KMT2C: variants seen among roughly 807,000 people sequenced by gnomAD.
KMT2C encodes the protein histone-lysine N-methyltransferase 2C.
A neutral mutation model predicts 507.9 loss-of-function variants in KMT2C; 88 were observed. That is an observed-to-expected ratio of 0.17 (90% CI 0.15 to 0.21). The LOEUF is 0.21. Ranked by LOEUF, KMT2C falls within the 10% of genes least tolerant of loss-of-function variation. The pLI is 1.00. For synonymous variants in KMT2C, 2,049 were observed against 2,080.8 expected, an observed-to-expected ratio of 0.98 and a Z score of 0.42; for missense variants, 4,954 against 5,957.8, an observed-to-expected ratio of 0.83 and a Z score of 5.55.
intron 6 of KMT2C, among the ~76,000 whole-genome samples, chr7:152,300,896 A>G (rs1390640023): frequency 6.6e-6 from 1 of 152,100 alleles, no homozygotes; most frequent in Non-Finnish European, 1.5e-5. Flanking sequence ...CGTCTCTACT[A>G]AAACTACAAA....
At position 152,159,044 on chromosome 7, in the gene KMT2C, C is replaced by A. The variant is rs899779593; in HGVS notation, c.11489G>T (p.Gly3830Val). ...LQTLGAQMQG[G>V]FGCGNQLPKT... The stretch of plus-strand genomic sequence containing the variant: ...TGGCAACTGGTTGCCACATCCAAAA[C>A]CACCTTGCATTTGAGCCCCCAAAGT... The change falls in exon 44 of 59, where the codon GGT becomes GTT. Residue 3830 changes from glycine to valine, a missense_variant. Transcript: ENST00000262189. 1.2e-6 allele frequency: 2 copies of A among 1,614,072 alleles called. No individual in the cohort carries two copies. The highest frequency in any genetic ancestry group is 2.7e-5 in the African/African-American group (2 of 74,922).
In KMT2C at chr7:152,252,724, CA is replaced by C. The variant is rs1330200583; in HGVS notation, c.1300-10del. Reference sequence around the variant, plus strand: ...ATACATATTCTGCAATTCTAAACACCAGGAAAAATAAAAACAAAAACAGTTT... The same window carrying C: ...ATACATATTCTGCAATTCTAAACACCGGAAAAATAAAAACAAAAACAGTTT... On this transcript the variant is annotated splice_polypyrimidine_tract_variant and intron_variant, in intron 9 of 58. Coordinates refer to ENST00000262189, the MANE Select transcript of KMT2C (RefSeq NM_170606.3). 1 of 1,571,682 alleles carries C rather than the reference CA, an allele frequency of 6.4e-7. No homozygotes were observed. Among genetic ancestry groups the C allele is most frequent in the Non-Finnish European group, 8.7e-7 (1 of 1,152,914 alleles).
intron 1 of KMT2C, among the ~76,000 whole-genome samples, chr7:152,372,083 A>G (rs1171593456): frequency 3.9e-5 from 6 of 152,232 alleles, no homozygotes; most frequent in Non-Finnish European, 8.8e-5. Context: ...ACAAAATGGC[A>G]GTAGTAACTC....
At chr7:152,338,092 T>C (rs1282682970) in intron 2 of KMT2C, among the ~76,000 whole-genome samples, 1 of 152,038 alleles carries the variant, frequency 6.6e-6, no homozygotes, top group Non-Finnish European at 1.5e-5. Flanking sequence ...TCTCCTGACC[T>C]CGTGATCCGC....
intron 1 of KMT2C, among the ~76,000 whole-genome samples, chr7:152,383,651 A>G (rs896573803): frequency 2.0e-5 from 3 of 152,048 alleles, no homozygotes; most frequent in African/African-American, 7.2e-5. Context: ...ATGAGCATGA[A>G]CTCTAGATGC....
intron 39 of KMT2C, 67 bp from the exon 40 acceptor site, chr7:152,171,409 C>T: frequency 1.9e-6 from 2 of 1,036,956 alleles, no homozygotes; most frequent in Non-Finnish European, 2.8e-6. Context: ...TAATTAAAAA[C>T]TGTATTAGGT....
Position 152,163,428 on chromosome 7 carries a change from T to A in KMT2C, c.10149A>T (p.Val3383=). The part of the protein sequence containing the change: ...ANPQSGPPPR[V]EFDDNNPFSE... ...TAAAGGGATTGTTGTCATCAAATTC[T>A]ACCCGAGGTGGTGGTCCACTCTGTG... Residue 3383 remains valine (V), a synonymous_variant, in exon 43 of 59, where the codon GTA becomes GTT. Coordinates refer to ENST00000262189, the MANE Select transcript of KMT2C (RefSeq NM_170606.3). 1 of 1,614,248 alleles carries A rather than the reference T, an allele frequency of 6.2e-7. No individual in the cohort carries two copies. Among genetic ancestry groups the A allele is most frequent in the Non-Finnish European group, 8.5e-7 (1 of 1,180,042 alleles).
intron 23 of KMT2C, among the ~76,000 whole-genome samples, chr7:152,214,176 A>T: frequency 6.6e-6 from 1 of 152,078 alleles, no homozygotes; most frequent in Non-Finnish European, 1.5e-5. Context: ...TTAAAAAAAA[A>T]AAAACTACCA....
intron 18 of KMT2C, among the ~76,000 whole-genome samples, chr7:152,227,139 CCTT>C (rs2094958124): frequency 2.0e-5 from 3 of 152,278 alleles, no homozygotes; most frequent in East Asian, 3.9e-4. Context: ...CTTGTCAAGA[CCTT>C]CTTATTCTCA....
Position 152,177,052 on chromosome 7 carries a change from T to C in KMT2C, c.8401A>G (p.Asn2801Asp), listed in dbSNP as rs2129114134. The C allele has an allele frequency of 6.2e-7, 1 of 1,612,634 alleles. No individual in the cohort carries two copies. Among genetic ancestry groups the C allele is most frequent in the South Asian group, 1.1e-5 (1 of 90,462 alleles). The change falls in exon 38 of 59, where the codon AAC becomes GAC. Residue 2801 changes from asparagine to aspartate, a missense_variant. This residue lies in a region of KMT2C where 1,689 missense variants were observed against 1,654.3 expected (regional missense o/e 1.02). Transcript: ENST00000262189. ...TTATCAGAGAGAACCAGAGTTTTGTTTTCTTGTTCCTTTTTTTTTGGTTCA... is the reference window on the plus strand; with the variant it reads ...TTATCAGAGAGAACCAGAGTTTTGTCTTCTTGTTCCTTTTTTTTTGGTTCA... ...SVEPKKKEQE[N>D]KTLVLSDKHS...
intron 6 of KMT2C, among the ~76,000 whole-genome samples, chr7:152,290,284 ATATATATATATTTTTTTTTTT>A (rs2096399605): frequency 1.2e-4 from 4 of 33,974 alleles, no homozygotes; most frequent in African/African-American, 5.3e-4. Flanking sequence ...ATATATATAT[ATATATATATATTTTTTTTTTT>A]TTTTTTTTTT....
At chr7:152,411,045 GTA>G (rs2097677881) in intron 1 of KMT2C, among the ~76,000 whole-genome samples, 1 of 152,216 alleles carries the variant, frequency 6.6e-6, no homozygotes, top group South Asian at 2.1e-4. Context: ...GTATATGTGT[GTA>G]TATGTGTGCA....
intron 1 of KMT2C, among the ~76,000 whole-genome samples, chr7:152,417,951 TAAAAAAAAAAAAA>T (rs748980838): frequency 9.0e-6 from 1 of 110,968 alleles, no homozygotes; most frequent in Admixed American, 9.5e-5. Context: ...CTCTTTCTTT[TAAAAAAAAAAAAA>T]AAAAAAAAGA....
At chr7:152,386,066 G>A (rs1345286784) in intron 1 of KMT2C, among the ~76,000 whole-genome samples, 1 of 150,544 alleles carries the variant, frequency 6.6e-6, no homozygotes, top group Non-Finnish European at 1.5e-5. Flanking sequence ...CAGCCCGAGT[G>A]ACAGAATGAG....
intron 1 of KMT2C, chr7:152,368,786 A>G: frequency 1.4e-6 from 1 of 719,102 alleles, no homozygotes; most frequent in Admixed American, 2.9e-5. Context: ...ACAGCGTGAC[A>G]AAAATTATTT....
At chr7:152,335,317 G>A (rs2096923889) in intron 2 of KMT2C, among the ~76,000 whole-genome samples, 1 of 152,182 alleles carries the variant, frequency 6.6e-6, no homozygotes, top group South Asian at 2.1e-4. Flanking sequence ...TCTACTCAGA[G>A]AGTCCCAGAA....
chr7:152,347,428 G>A (rs1454775138), intron 2 of KMT2C, among the ~76,000 whole-genome samples: 1 of 152,226 alleles, frequency 6.6e-6, no homozygotes, highest in Non-Finnish European at 1.5e-5. Context: ...AGAAGCGCCA[G>A]ATCACTTTTT....
chr7:152,224,886 A>G (rs2094880836), intron 18 of KMT2C, among the ~76,000 whole-genome samples: 1 of 152,172 alleles, frequency 6.6e-6, no homozygotes, highest in Admixed American at 6.5e-5. Context: ...TTTAATGTCC[A>G]CTATATTTAT....
At chr7:152,413,556 T>G (rs1589853545) in intron 1 of KMT2C, among the ~76,000 whole-genome samples, 1 of 152,124 alleles carries the variant, frequency 6.6e-6, no homozygotes, top group South Asian at 2.1e-4. Context: ...AAATTCTACA[T>G]AAGTTTCCAT....
Sources: gnomAD v4.1 joint callset for allele counts (sites outside exome capture counted in the v4.1 genomes callset) on GRCh38, gnomAD v4.1.1 for gene constraint, gnomAD v4.1.1 regional missense constraint, MANE v1.5 for transcripts, NCBI Gene and HGNC (gene_info 2026-07-23, HGNC 2026-07-21) for gene names.